Variants in KAT6B observed in about 807,000 individuals in gnomAD.
KAT6B encodes the protein histone acetyltransferase KAT6B.
KAT6B carries 10 observed loss-of-function variants against 187.5 expected under a neutral mutation model. The ratio of observed to expected loss-of-function variants is 0.05; its 90% CI spans 0.03 to 0.09. The LOEUF (loss-of-function observed/expected upper bound fraction) is 0.09. Ranked by LOEUF, KAT6B falls within the 10% of genes least tolerant of loss-of-function variation. The pLI is 1.00. For missense variants in KAT6B, 1,952 were observed against 2,558.9 expected (o/e 0.76, Z 5.12); for synonymous variants, 861 against 926.8 (o/e 0.93, Z 1.29).
intron 3 of KAT6B, among the ~76,000 whole-genome samples, chr10:74,950,957 A>T (rs1840276446): frequency 6.7e-6 from 1 of 150,084 alleles, no homozygotes; most frequent in African/African-American, 2.4e-5. Flanking sequence ...TACCAAAAAT[A>T]AAAAAAAAAT....
At position 74,913,801 on chromosome 10, in the gene KAT6B, C is replaced by A. The variant is rs940905436; in HGVS notation, c.622-46169C>A. ...GGGGAGCCATCTCCCAGGGTTTCCC[C>A]AGCAGAGAGCTGTGCCCAGTGCCGG... On this transcript the variant is annotated intron_variant, in intron 3 of 17. Coordinates refer to ENST00000287239, the MANE Select transcript of KAT6B (RefSeq NM_012330.4). Among the ~76,000 whole-genome samples the A allele has an allele frequency of 3.3e-5, 5 of 152,332 alleles. No individual in the cohort carries two copies. In the East Asian group the frequency reaches 7.7e-4, roughly 23 times the overall value.
chr10:74,860,986 A>AT (rs1843139026), intron 3 of KAT6B, among the ~76,000 whole-genome samples: 1 of 152,050 alleles, frequency 6.6e-6, no homozygotes, highest in Non-Finnish European at 1.5e-5. Context: ...AAAAATGCAA[A>AT]ATTAGCCGGG....
intron 3 of KAT6B, among the ~76,000 whole-genome samples, chr10:74,887,534 A>G (rs950437357): frequency 4.6e-5 from 7 of 152,096 alleles, no homozygotes; most frequent in Non-Finnish European, 2.9e-5. Context: ...CATGTTGGCC[A>G]GGCTGGTCCT....
chr10:75,000,281 C>A (rs182351356), intron 13 of KAT6B, among the ~76,000 whole-genome samples: 291 of 151,680 alleles, frequency 1.9e-3, no homozygotes, highest in Admixed American at 3.7e-3. Context: ...AGCTGGAGAG[C>A]CTGGAGCATG....
chr10:74,841,602 G>A (rs537819465), intron 2 of KAT6B, among the ~76,000 whole-genome samples: 5 of 151,882 alleles, frequency 3.3e-5, no homozygotes, highest in African/African-American at 4.8e-5. Flanking sequence ...AATGATGTTC[G>A]ACCCTTTAAT....
At chr10:74,908,561 A>AAC (rs1314773961) in intron 3 of KAT6B, among the ~76,000 whole-genome samples, 1 of 151,940 alleles carries the variant, frequency 6.6e-6, no homozygotes, top group African/African-American at 2.4e-5. Flanking sequence ...AAAAAAAAAA[A>AAC]AAAAAAGAAA....
intron 1 of KAT6B, chr10:74,827,362 CAGAG>C (rs1840346186): frequency 6.6e-6 from 1 of 151,502 alleles, no homozygotes; most frequent in African/African-American, 2.5e-5. Flanking sequence ...TGAAGCGGTG[CAGAG>C]TGTTGGGTTT....
chr10:74,846,678 C>T (rs1487111944), intron 3 of KAT6B, among the ~76,000 whole-genome samples: 1 of 152,164 alleles, frequency 6.6e-6, no homozygotes, highest in African/African-American at 2.4e-5. Context: ...ACCTCATGGT[C>T]CACCTGCCTT....
chr10:75,018,588 G>T (rs1845163091), intron 13 of KAT6B, among the ~76,000 whole-genome samples: 1 of 152,194 alleles, frequency 6.6e-6, no homozygotes, highest in Admixed American at 6.5e-5. Flanking sequence ...ATTAGGGACT[G>T]TAGCGGGGAG....
rs1842929873 is a variant in KAT6B, at chr10:74,988,146, G to A, written c.2536-873G>A. 1.3e-5 allele frequency among the ~76,000 whole-genome samples: 2 copies of A among 152,156 alleles called. 1 individual carries two copies. Among genetic ancestry groups the A allele is most frequent in the South Asian group, 4.1e-4 (2 of 4,826 alleles). The stretch of plus-strand genomic sequence containing the variant: ...CTGAAGTAATTCTTTGGTGTGGTCT[G>A]TACCATTTGTGGTCAGTCTTATTTG... On this transcript the variant is annotated intron_variant, in intron 12 of 17. Transcript: ENST00000287239.
chr10:74,943,595 A>G (rs1286802016), intron 3 of KAT6B, among the ~76,000 whole-genome samples: 1 of 152,202 alleles, frequency 6.6e-6, no homozygotes, highest in Non-Finnish European at 1.5e-5. Context: ...GGTTATACAT[A>G]TGGGAAAAAA....
At position 75,021,147 on chromosome 10, in the gene KAT6B, A is replaced by G. The variant is rs757171780; in HGVS notation, c.2883A>G (p.Glu961=). The G allele has an allele frequency of 9.9e-6, 16 of 1,614,142 alleles. No individual in the cohort carries two copies. The highest frequency in any genetic ancestry group is 1.3e-5 in the Non-Finnish European group (15 of 1,179,992). Residue 961 remains glutamate, a synonymous_variant, in exon 15 of 18, where the codon GAA becomes GAG. Coordinates refer to ENST00000287239, the MANE Select transcript of KAT6B (RefSeq NM_012330.4). ...RDGRFVIIRR[E]KLILSHMEKL... is the part of the protein sequence containing the mutation. ...ACAGATTTGTCATCATTAGACGGGA[A>G]AAGTTGATATTGAGCCACATGGAAA... is the stretch of plus-strand genomic sequence containing the variant.
At chr10:74,921,031 A>G (rs1848071983) in intron 3 of KAT6B, among the ~76,000 whole-genome samples, 1 of 150,160 alleles carries the variant, frequency 6.7e-6, no homozygotes. Flanking sequence ...TTTGAGCTTG[A>G]TTTGTTGTGG....
In KAT6B at chr10:74,972,610, A is replaced by G; in HGVS notation, c.1032A>G (p.Arg344=). The G allele has an allele frequency of 6.2e-7, 1 of 1,613,520 alleles. No homozygotes were observed. The highest frequency in any genetic ancestry group is 8.5e-7 in the Non-Finnish European group (1 of 1,179,560). ...GACGATATGCAAAACCCATTGGACG[A>G]CCGAAAAATAAATTAAAGCAACGAT... The part of the protein sequence containing the change: ...IKRRYAKPIG[R]PKNKLKQRLL... Residue 344 remains arginine, a synonymous_variant, in exon 7 of 18, where the codon CGA becomes CGG. Transcript: ENST00000287239.
chr10:74,973,597 A>G (rs1351072554), intron 7 of KAT6B, among the ~76,000 whole-genome samples: 6 of 152,210 alleles, frequency 3.9e-5, no homozygotes, highest in Non-Finnish European at 5.9e-5. Flanking sequence ...TGCTCTCACT[A>G]TCTTATTTGC....
intron 7 of KAT6B, among the ~76,000 whole-genome samples, chr10:74,973,843 T>C (rs1841996037): frequency 6.6e-6 from 1 of 152,196 alleles, no homozygotes; most frequent in African/African-American, 2.4e-5. Context: ...TGTGTAAGCA[T>C]TGTTCCCAAC....
chr10:75,009,990 A>G (rs1193300607), intron 13 of KAT6B, among the ~76,000 whole-genome samples: 1 of 152,190 alleles, frequency 6.6e-6, no homozygotes, highest in Non-Finnish European at 1.5e-5. Context: ...AACAAGAGTG[A>G]AACTCCATCT....
chr10:74,843,540 C>G, intron 3 of KAT6B, 62 bp downstream of exon 3: 5 of 1,595,646 alleles, frequency 3.1e-6, no homozygotes, highest in Non-Finnish European at 4.3e-6. Flanking sequence ...TACGGTTTCA[C>G]TTAAGTTTTA....
rs944329694 is a variant in KAT6B at position 75,029,254 on chromosome 10, G to A, written c.4430G>A (p.Cys1477Tyr). ...GHSNPEVLMD[C>Y]GVDLTASCNS... is the part of the protein sequence containing the mutation. ...TCGAACCCAGAGGTCTTAATGGACT[G>A]TGGCGTCGACCTGACAGCTTCTTGT... The change falls in exon 18 of 18, where the codon TGT becomes TAT. Residue 1477 changes from cysteine (C) to tyrosine (Y), a missense_variant. Transcript: ENST00000287239. This position sits in a 1 kb window ranked among gnomAD's most constrained non-coding sequence, Gnocchi z 6.2. 3 of 1,614,204 alleles carry A rather than the reference G, an allele frequency of 1.9e-6. No individual in the cohort carries two copies. Among genetic ancestry groups the A allele is most frequent in the East Asian group, 2.2e-5 (1 of 44,882 alleles).
Sources: gnomAD v4.1 joint callset for allele counts (sites outside exome capture counted in the v4.1 genomes callset) on GRCh38, gnomAD v4.1.1 for gene constraint, Gnocchi (gnomAD v3.1) non-coding constraint, MANE v1.5 for transcripts, NCBI Gene and HGNC (gene_info 2026-07-23, HGNC 2026-07-21) for gene names.